Variants in LLGL1 observed in about 807,000 individuals in gnomAD.
LLGL1 encodes the protein LLGL scribble cell polarity complex component 1.
A neutral mutation model predicts 110.6 loss-of-function variants in LLGL1; 58 were observed. The observed-to-expected ratio is 0.52, with a 90% CI of 0.42 to 0.65. The LOEUF (loss-of-function observed/expected upper bound fraction) is 0.65, where lower values mean the gene tolerates loss of function less well. LLGL1 is among the 30% of genes least tolerant of loss of function. The pLI is 0.00. For synonymous variants in LLGL1, 674 were observed against 607.2 expected, an observed-to-expected ratio of 1.11 and a Z score of -1.62; for missense variants, 1,229 against 1,462.1, an observed-to-expected ratio of 0.84 and a Z score of 2.60.
At chr17:18,229,644 C>T (rs796192809) in intron 1 of LLGL1, among the ~76,000 whole-genome samples, 3 of 152,256 alleles carry the variant, frequency 2.0e-5, no homozygotes, top group African/African-American at 7.2e-5. Flanking sequence ...CAGTGGGGCC[C>T]ACATGAGCCT....
At position 18,235,315 on chromosome 17, in the gene LLGL1, G is replaced by A; in HGVS notation, c.1284+3G>A. 6.2e-7 allele frequency: 1 copy of A among 1,610,192 alleles called. No homozygotes were observed. The highest frequency in any genetic ancestry group is 1.3e-5 in the African/African-American group (1 of 75,060). On this transcript the variant is annotated splice_donor_region_variant and intron_variant, in intron 10 of 22. Transcript: ENST00000316843. Reference sequence around the variant, plus strand: ...CCCAGCCTGTCTCCAGTGCCTTGGTGTGTGCGGCGATCAGGGGGGTCTTAC... The same window carrying A: ...CCCAGCCTGTCTCCAGTGCCTTGGTATGTGCGGCGATCAGGGGGGTCTTAC...
intron 1 of LLGL1, among the ~76,000 whole-genome samples, chr17:18,229,694 C>T (rs2142553794): frequency 6.6e-6 from 1 of 152,280 alleles, no homozygotes; most frequent in South Asian, 2.1e-4. Flanking sequence ...AAAGGGCGGG[C>T]CTCTGTGGAC....
At chr17:18,231,160 C>G (rs1227921344) in intron 2 of LLGL1, among the ~76,000 whole-genome samples, 2 of 152,176 alleles carry the variant, frequency 1.3e-5, no homozygotes, top group Non-Finnish European at 2.9e-5. Context: ...AGAAAGGAGG[C>G]TGGAGCCCGG....
intron 16 of LLGL1, among the ~76,000 whole-genome samples, 189 bp downstream of exon 16, chr17:18,238,798 G>C (rs1005667265): frequency 6.6e-6 from 1 of 152,276 alleles, no homozygotes; most frequent in East Asian, 1.9e-4. Flanking sequence ...ATCACCTGAG[G>C]TCAGGAGTTT....
intron 1 of LLGL1, 90 bp downstream of exon 1, chr17:18,225,853 C>G (rs1335651992): frequency 7.4e-4 from 105 of 141,368 alleles, no homozygotes; most frequent in Non-Finnish European, 1.2e-3. Flanking sequence ...ACGTCGGGCC[C>G]GGGGGGCGGG....
chr17:18,236,994 A>T (rs149032469), intron 13 of LLGL1, 55 bp downstream of exon 13: 25,190 of 1,431,864 alleles, frequency 0.018, 292 homozygotes, highest in Non-Finnish European at 0.021. Context: ...TCTGGAAGAG[A>T]TGAGCTGGAG....
chr17:18,240,743 T>C lies in LLGL1; in HGVS notation c.2372T>C (p.Val791Ala). 1.9e-6 allele frequency: 3 copies of C among 1,612,156 alleles called. No homozygotes were observed. Among genetic ancestry groups the C allele is most frequent in the Non-Finnish European group, 2.5e-6 (3 of 1,179,338 alleles). Residue 791 changes from valine to alanine, a missense_variant, in exon 17 of 23, where the codon GTG becomes GCG. Physicochemically the swap from Val to Ala is moderately conservative, Grantham distance 64. Transcript: ENST00000316843. This position sits in a 1 kb window ranked among gnomAD's most constrained non-coding sequence, Gnocchi z 5.3. The part of the protein sequence containing the change: ...EVQLMHRAPV[V>A]AIAVLDGRGR... ...CAGCTGATGCACCGGGCGCCTGTGGTGGCCATTGCCGTGTTGGACGGGCGT... is the reference window on the plus strand; with the variant it reads ...CAGCTGATGCACCGGGCGCCTGTGGCGGCCATTGCCGTGTTGGACGGGCGT...
chr17:18,237,162 C>T (rs576269790), intron 13 of LLGL1: 24 of 598,078 alleles, frequency 4.0e-5, no homozygotes, highest in South Asian at 3.6e-4. Context: ...TGCTGTGCTC[C>T]GGCACTCACA....
chr17:18,234,237 A>ATGCCTGCCTGCC (rs757942328), intron 6 of LLGL1, 36 bp from the exon 7 acceptor site: 2 of 1,595,978 alleles, frequency 1.3e-6, no homozygotes, highest in South Asian at 1.1e-5. Context: ...ACCATGGCTC[A>ATGCCTGCCTGCC]TGCCTGCCTG....
intron 6 of LLGL1, 32 bp from the exon 7 acceptor site, chr17:18,234,241 C>T (rs761790161): frequency 2.0e-5 from 32 of 1,582,950 alleles, no homozygotes; most frequent in Non-Finnish European, 2.7e-5. Context: ...TGGCTCATGC[C>T]TGCCTGCCTG....
intron 18 of LLGL1, 43 bp downstream of exon 18, chr17:18,241,758 G>A (rs996632841): frequency 8.7e-6 from 14 of 1,607,904 alleles, no homozygotes; most frequent in African/African-American, 8.0e-5. Flanking sequence ...TCAGGCGAGC[G>A]AACTGAGTGG....
At chr17:18,237,379 C>T (rs1265398111) in intron 13 of LLGL1, 102 bp from the exon 14 acceptor site, 3 of 1,194,868 alleles carry the variant, frequency 2.5e-6, no homozygotes, top group South Asian at 1.6e-5. Flanking sequence ...CCTAGAACCA[C>T]CTTGGTGGTG....
At position 18,237,543 on chromosome 17, in the gene LLGL1, C is replaced by T. The variant is rs2142656986; in HGVS notation, c.1674C>T (p.Asp558=). Residue 558 remains aspartate (D), a synonymous_variant, in exon 14 of 23, where the codon GAC becomes GAT. Transcript: ENST00000316843. The part of the protein sequence containing the change: ...VEQAVSVAII[D]LLQDREGFTW... ...AGGCGGTCAGCGTGGCCATCATAGA[C>T]CTCCTCCAGGACCGCGAGGGCTTCA... The T allele has an allele frequency of 1.2e-6, 2 of 1,607,822 alleles. No individual in the cohort carries two copies. The highest frequency in any genetic ancestry group is 1.7e-6 in the Non-Finnish European group (2 of 1,177,380).
At chr17:18,229,833 A>G in intron 1 of LLGL1, 108 bp from the exon 2 acceptor site, 3 of 692,568 alleles carry the variant, frequency 4.3e-6, no homozygotes, top group Non-Finnish European at 5.0e-6. Flanking sequence ...TCCTACCCCC[A>G]GTGTGTCAGC....
In LLGL1 at chr17:18,240,971, AT is replaced by A; in HGVS notation, c.2502+99del. 7.9e-7 allele frequency: 1 copy of A among 1,265,946 alleles called. No individual in the cohort carries two copies. Among genetic ancestry groups the A allele is most frequent in the African/African-American group, 1.5e-5 (1 of 66,394 alleles). 78.4% of individuals were successfully genotyped at this position (1,265,946 alleles called of 1,614,324 possible). A position where few individuals can be genotyped will look rare whatever the true frequency, so the allele number is the denominator to read the frequency against. ...CCCTCAAGAAACCCTTCCTGCCTGT[AT>A]CCCCCACTGTTGGGACCCTAATTCC... On this transcript the variant is annotated intron_variant, in intron 17 of 22. Coordinates refer to ENST00000316843, the MANE Select transcript of LLGL1 (RefSeq NM_004140.4). This position sits in a 1 kb window ranked among gnomAD's most constrained non-coding sequence, Gnocchi z 5.3.
At chr17:18,232,040 T>G (rs759810680) in intron 2 of LLGL1, among the ~76,000 whole-genome samples, 3 of 152,218 alleles carry the variant, frequency 2.0e-5, no homozygotes, top group Admixed American at 6.5e-5. Context: ...CCCCTGGCTT[T>G]CTTGTCCAGG....
At position 18,237,507 on chromosome 17, in the gene LLGL1, G is replaced by T. The variant is rs1185651791; in HGVS notation, c.1638G>T (p.Val546=). Residue 546 remains valine (V), a synonymous_variant, in exon 14 of 23, where the codon GTG becomes GTT. Coordinates refer to ENST00000316843, the MANE Select transcript of LLGL1 (RefSeq NM_004140.4). Reference sequence around the variant, plus strand: ...TGCTGGTACTGGAGCTTAGTGATGTGCCGGTGGAGCAGGCGGTCAGCGTGG... The same window carrying T: ...TGCTGGTACTGGAGCTTAGTGATGTTCCGGTGGAGCAGGCGGTCAGCGTGG... The part of the protein sequence containing the change: ...GQVLVLELSD[V]PVEQAVSVAI... The T allele has an allele frequency of 6.3e-7, 1 of 1,595,780 alleles. No individual in the cohort carries two copies. The highest frequency in any genetic ancestry group is 8.6e-7 in the Non-Finnish European group (1 of 1,168,550).
intron 17 of LLGL1, chr17:18,241,082 G>C (rs1331599616): frequency 3.3e-6 from 2 of 609,214 alleles, no homozygotes; most frequent in Non-Finnish European, 5.6e-6. Context: ...AGTTCCCCTG[G>C]GAGGGCAGGA....
intron 11 of LLGL1, chr17:18,235,842 C>T: frequency 2.5e-6 from 1 of 392,386 alleles, no homozygotes; most frequent in South Asian, 3.4e-5. Context: ...AGGGAAGGTG[C>T]CAGAGAGCCC....
Sources: gnomAD v4.1 joint callset for allele counts (sites outside exome capture counted in the v4.1 genomes callset) on GRCh38, gnomAD v4.1.1 for gene constraint, Gnocchi (gnomAD v3.1) non-coding constraint, MANE v1.5 for transcripts, NCBI Gene and HGNC (gene_info 2026-07-23, HGNC 2026-07-21) for gene names.